The following RAPGEF6 variants were observed in gnomAD, a reference collection of about 807,000 sequenced individuals.
The protein encoded by RAPGEF6 is PDZ domain containing guanine nucleotide exchange factor (GEF) 2.
In RAPGEF6, 56 loss-of-function variants were observed where a neutral mutation model predicts 171.4. The observed-to-expected ratio is 0.33, with a 90% CI of 0.26 to 0.41. The LOEUF (loss-of-function observed/expected upper bound fraction) is 0.41. Among genes scored for constraint, RAPGEF6 ranks in the 10% least tolerant of loss-of-function variants. RAPGEF6 has a pLI of 1.00. For synonymous variants in RAPGEF6, 692 were observed against 650.1 expected (o/e 1.06, Z -0.98); for missense variants, 1,674 against 1,921.4 (o/e 0.87, Z 2.41).
intron 25 of RAPGEF6, among the ~76,000 whole-genome samples, chr5:131,432,639 A>T (rs1561459712): frequency 8.1e-6 from 1 of 123,214 alleles, no homozygotes; most frequent in Non-Finnish European, 1.6e-5. Flanking sequence ...ACTCCGCCTT[A>T]AAAAAAAAAA....
chr5:131,516,929 A>C (rs1758124629), intron 7 of RAPGEF6, among the ~76,000 whole-genome samples: 1 of 152,204 alleles, frequency 6.6e-6, no homozygotes, highest in Non-Finnish European at 1.5e-5. Flanking sequence ...GAAGACATGA[A>C]AACTCTCAAG....
chr5:131,607,790 A>G (rs920870739), intron 1 of RAPGEF6, among the ~76,000 whole-genome samples: 2 of 152,138 alleles, frequency 1.3e-5, no homozygotes, highest in Admixed American at 1.3e-4. Flanking sequence ...TTCGGGATAC[A>G]GTGGTTGGGG....
chr5:131,532,939 GTCTT>G (rs1248682917), intron 6 of RAPGEF6: 1 of 152,590 alleles, frequency 6.6e-6, no homozygotes, highest in Non-Finnish European at 1.5e-5. Flanking sequence ...GAATGTTAGT[GTCTT>G]AATTTCTACT....
intron 3 of RAPGEF6, among the ~76,000 whole-genome samples, chr5:131,600,923 G>A (rs1764203201): frequency 6.6e-6 from 1 of 151,958 alleles, no homozygotes; most frequent in African/African-American, 2.4e-5. Flanking sequence ...AAGGGGACAA[G>A]TTGAGAAAGG....
At chr5:131,585,287 ACTATACATACATACATACAT>A (rs1364864397) in intron 4 of RAPGEF6, among the ~76,000 whole-genome samples, 2,182 of 122,868 alleles carry the variant, frequency 0.018, 61 homozygotes, top group African/African-American at 0.057. Flanking sequence ...AAAAAAAAAA[ACTATACATACATACATACAT>A]ACATACATAC....
chr5:131,469,099 T>A (rs1044434725), intron 17 of RAPGEF6, among the ~76,000 whole-genome samples: 1 of 152,154 alleles, frequency 6.6e-6, no homozygotes, highest in Non-Finnish European at 1.5e-5. Context: ...TGTTTAAAAA[T>A]TTGTGGTAGA....
intron 7 of RAPGEF6, among the ~76,000 whole-genome samples, chr5:131,515,669 G>A (rs1758023566): frequency 6.6e-6 from 1 of 152,104 alleles, no homozygotes; most frequent in Admixed American, 6.6e-5. Flanking sequence ...GGGATTCCAA[G>A]GAAGGAGACA....
chr5:131,434,063 A>C (rs962960040), intron 24 of RAPGEF6, among the ~76,000 whole-genome samples: 8 of 152,346 alleles, frequency 5.3e-5, no homozygotes, highest in Non-Finnish European at 1.0e-4. Flanking sequence ...TTTGATTAAT[A>C]TGAATATTTC....
Position 131,467,971 on chromosome 5 carries a change from C to T in RAPGEF6, c.2240-3690G>A, listed in dbSNP as rs190810463. ...ACTTGGGCCCAGGAAGTAGAGGCTG[C>T]AGTGAGCCGAGATCATACTACTGCA... On this transcript the variant is annotated intron_variant, in intron 17 of 27. Transcript: ENST00000509018. 5.0e-3 allele frequency among the ~76,000 whole-genome samples: 759 copies of T among 151,630 alleles called. 11 individuals carry two copies. Among genetic ancestry groups the T allele is most frequent in the African/African-American group, 0.018 (730 of 41,306 alleles).
intron 2 of RAPGEF6, 67 bp from the exon 3 acceptor site, chr5:131,603,394 CAACT>C (rs1450870655): frequency 9.7e-7 from 1 of 1,027,038 alleles, no homozygotes; most frequent in African/African-American, 1.7e-5. Context: ...AATTTGACCT[CAACT>C]AATTATTATA....
At chr5:131,561,888 TA>T in intron 5 of RAPGEF6, 89 bp downstream of exon 5, 1 of 959,118 alleles carries the variant, frequency 1.0e-6, no homozygotes, top group South Asian at 1.4e-5. Context: ...GTCATAGTAA[TA>T]AAACCTCCTT....
chr5:131,597,098 A>G (rs1320735884), intron 3 of RAPGEF6, among the ~76,000 whole-genome samples: 5 of 152,194 alleles, frequency 3.3e-5, no homozygotes, highest in Admixed American at 3.3e-4. Flanking sequence ...ACATAAAAAT[A>G]GCCAATAGGT....
intron 15 of RAPGEF6, among the ~76,000 whole-genome samples, chr5:131,486,978 C>G (rs1005498849): frequency 6.6e-6 from 1 of 152,074 alleles, no homozygotes; most frequent in Non-Finnish European, 1.5e-5. Context: ...GATCCCTGAT[C>G]GTCAGTTTTA....
chr5:131,614,556 G>A (rs763412489), intron 1 of RAPGEF6, among the ~76,000 whole-genome samples: 3 of 152,154 alleles, frequency 2.0e-5, no homozygotes, highest in East Asian at 1.9e-4. Flanking sequence ...TCACCATCAC[G>A]AGAACAGCAA....
intron 14 of RAPGEF6, 126 bp downstream of exon 14, chr5:131,492,456 C>T (rs1270650463): frequency 1.2e-6 from 1 of 842,968 alleles, no homozygotes; most frequent in Non-Finnish European, 1.9e-6. Context: ...GCAGATACTA[C>T]CTCTAAAAAA....
chr5:131,612,962 T>G (rs72787095), intron 1 of RAPGEF6, among the ~76,000 whole-genome samples: 7 of 152,354 alleles, frequency 4.6e-5, no homozygotes, highest in Non-Finnish European at 8.8e-5. Context: ...AAAGAGAGAC[T>G]AATAAGGTTT....
intron 6 of RAPGEF6, among the ~76,000 whole-genome samples, chr5:131,533,611 T>C (rs915649153): frequency 4.6e-5 from 7 of 152,016 alleles, no homozygotes; most frequent in African/African-American, 1.7e-4. Flanking sequence ...GATTTGTAGG[T>C]AGATAGTAAA....
At chr5:131,450,204 G>T (rs1276814009) in intron 21 of RAPGEF6, among the ~76,000 whole-genome samples, 2 of 152,146 alleles carry the variant, frequency 1.3e-5, no homozygotes, top group African/African-American at 2.4e-5. Context: ...ACTTTAAATG[G>T]AAGGCAGGAG....
At position 131,433,621 on chromosome 5, in the gene RAPGEF6, C is replaced by T. The variant is rs1751844184; in HGVS notation, c.3783G>A (p.Leu1261=). ...TLIPSAKSDN[L]SDSSHSEISS... ...AAATCTCACTATGGCTGGAGTCAGA[C>T]AAGTTGTCAGATTTAGCTGATGGAA... Residue 1261 remains leucine (L), a synonymous_variant, in exon 25 of 28, where the codon TTG becomes TTA. Coordinates refer to ENST00000509018, the MANE Select transcript of RAPGEF6 (RefSeq NM_016340.6). The T allele has an allele frequency of 3.7e-6, 6 of 1,612,576 alleles. No homozygotes were observed. The highest frequency in any genetic ancestry group is 2.2e-5 in the East Asian group (1 of 44,830).
Sources: gnomAD v4.1 joint callset for allele counts (sites outside exome capture counted in the v4.1 genomes callset) on GRCh38, gnomAD v4.1.1 for gene constraint, MANE v1.5 for transcripts, NCBI Gene and HGNC (gene_info 2026-07-23, HGNC 2026-07-21) for gene names.